Variants in MRTFB observed in about 807,000 individuals in gnomAD.
The protein encoded by MRTFB is myocardin-related transcription factor B.
MRTFB carries 29 observed loss-of-function variants against 104.2 expected under a neutral mutation model. The ratio of observed to expected loss-of-function variants is 0.28; its 90% confidence interval spans 0.21 to 0.38. The LOEUF is 0.38. Among genes scored for constraint, MRTFB ranks in the 10% least tolerant of loss-of-function variants. The pLI is 1.00. For synonymous variants in MRTFB, 535 were observed against 519.5 expected (o/e 1.03, Z -0.41); for missense variants, 1,270 against 1,341.6 (o/e 0.95, Z 0.83).
At chr16:14,018,759 A>G in the MRTFB span, 2 of 152,340 alleles carry the variant, frequency 1.3e-5, no homozygotes, top group African/African-American at 4.8e-5. Flanking sequence ...CCTTAAGGCC[A>G]ATAAATCATT....
At chr16:14,086,551 TTTTAGAC>T (rs2034714247) in intron 2 of MRTFB, among the ~76,000 whole-genome samples, 1 of 152,206 alleles carries the variant, frequency 6.6e-6, no homozygotes, top group African/African-American at 2.4e-5. Flanking sequence ...AATGAAGTTT[TTTTAGAC>T]TTTAAAACTC....
chr16:14,006,512 C>CAA, the MRTFB span, among the ~76,000 whole-genome samples: 48 of 132,520 alleles, frequency 3.6e-4, no homozygotes, highest in South Asian at 6.3e-3. Context: ...GACTCTGTCT[C>CAA]AAAAAAAAAA....
chr16:14,052,725 G>T, the MRTFB span, among the ~76,000 whole-genome samples: 5 of 133,054 alleles, frequency 3.8e-5, no homozygotes, highest in Non-Finnish European at 7.9e-5. Context: ...GGCAACAAGA[G>T]CAAAACTCCA....
the MRTFB span, among the ~76,000 whole-genome samples, chr16:14,002,449 T>G: frequency 6.6e-6 from 1 of 150,714 alleles, no homozygotes; most frequent in East Asian, 1.9e-4. Flanking sequence ...TAGCACCAAC[T>G]TGAGACTCGA....
At chr16:14,201,215 G>A (rs1468968772) in intron 3 of MRTFB, among the ~76,000 whole-genome samples, 1 of 152,164 alleles carries the variant, frequency 6.6e-6, no homozygotes, top group Non-Finnish European at 1.5e-5. Context: ...TGTGGTGTAG[G>A]TATGCACATT....
At chr16:14,213,181 T>C (rs1882285212) in intron 5 of MRTFB, among the ~76,000 whole-genome samples, 1 of 152,210 alleles carries the variant, frequency 6.6e-6, no homozygotes, top group Admixed American at 6.5e-5. Context: ...AGGAAATTTG[T>C]TATCTAGGTG....
chr16:14,062,697 C>T, the MRTFB span, among the ~76,000 whole-genome samples: 2 of 152,144 alleles, frequency 1.3e-5, no homozygotes. Flanking sequence ...AGGTATCCCA[C>T]AGAATCACTG....
intron 16 of MRTFB, among the ~76,000 whole-genome samples, chr16:14,259,127 T>C (rs2043646139): frequency 6.6e-6 from 1 of 152,208 alleles, no homozygotes; most frequent in African/African-American, 2.4e-5. Context: ...AAGAATTATA[T>C]TGGCCTTACA....
intron 2 of MRTFB, among the ~76,000 whole-genome samples, chr16:14,132,938 A>C (rs2037512220): frequency 6.6e-6 from 1 of 152,244 alleles, no homozygotes; most frequent in South Asian, 2.1e-4. Flanking sequence ...CAGTCGTAGT[A>C]ATTTAACTAA....
chr16:14,124,178 G>T (rs1029498215), intron 2 of MRTFB, among the ~76,000 whole-genome samples: 1 of 152,156 alleles, frequency 6.6e-6, no homozygotes, highest in Non-Finnish European at 1.5e-5. Context: ...AGATGATGGG[G>T]TTTTCTAAAT....
At chr16:14,107,514 A>C (rs2036045010) in intron 2 of MRTFB, among the ~76,000 whole-genome samples, 1 of 152,196 alleles carries the variant, frequency 6.6e-6, no homozygotes, top group Non-Finnish European at 1.5e-5. Flanking sequence ...AAGGTTTAAG[A>C]ACACTAGGCA....
At chr16:14,012,295 C>CTTTT in the MRTFB span, among the ~76,000 whole-genome samples, 9,548 of 107,424 alleles carry the variant, frequency 0.089, 1,119 homozygotes, top group African/African-American at 0.22. Flanking sequence ...CTTTTTCTTT[C>CTTTT]TTTCTTTTTT....
the MRTFB span, among the ~76,000 whole-genome samples, chr16:14,003,656 C>CCTT: frequency 7.6e-4 from 56 of 73,646 alleles, no homozygotes; most frequent in African/African-American, 1.9e-3. Flanking sequence ...CTCCCTCCCT[C>CCTT]CCTCCCTCCC....
intron 9 of MRTFB, among the ~76,000 whole-genome samples, chr16:14,235,344 G>C (rs2042449173): frequency 6.6e-6 from 1 of 152,164 alleles, no homozygotes. Flanking sequence ...AGGGTTGCAA[G>C]TGGCAACCAT....
chr16:14,002,011 A>C, the MRTFB span, among the ~76,000 whole-genome samples: 1 of 152,358 alleles, frequency 6.6e-6, no homozygotes, highest in South Asian at 2.1e-4. Flanking sequence ...TACAACCAAA[A>C]GCAATACTAT....
chr16:14,088,216 T>C (rs1415126013), intron 2 of MRTFB, among the ~76,000 whole-genome samples: 2 of 152,302 alleles, frequency 1.3e-5, no homozygotes, highest in Non-Finnish European at 2.9e-5. Context: ...CAGTGCGGAA[T>C]TTTATGGTGG....
chr16:14,207,975 A>G (rs542551795), intron 3 of MRTFB, among the ~76,000 whole-genome samples: 1 of 150,998 alleles, frequency 6.6e-6, no homozygotes, highest in Non-Finnish European at 1.5e-5. Context: ...AACTCCAGGT[A>G]CCTAGTGTCA....
At chr16:14,065,543 C>T in the MRTFB span, among the ~76,000 whole-genome samples, 1 of 152,040 alleles carries the variant, frequency 6.6e-6, no homozygotes, top group South Asian at 2.1e-4. Context: ...TTCTGGTTTT[C>T]AAGGGGAATG....
Position 14,150,861 on chromosome 16 carries a change from T to C in MRTFB, c.154+10101T>C, listed in dbSNP as rs566676118. On this transcript the variant is annotated intron_variant, in intron 3 of 16. Transcript: ENST00000571589. Reference sequence around the variant, plus strand: ...ACTTTTTCTTCTAATGTCATGACTTTTTTCTGCTTCTTGGGAGCACCTCCA... The same window carrying C: ...ACTTTTTCTTCTAATGTCATGACTTCTTTCTGCTTCTTGGGAGCACCTCCA... 2.0e-5 allele frequency: 3 copies of C among 152,314 alleles called. No individual in the cohort carries two copies. The South Asian group carries it at 6.2e-4, about 32-fold the overall frequency. The allele number at this position is 152,314 out of a possible 1,614,324, so 9.4% of individuals were successfully genotyped here. A position where few individuals can be genotyped will look rare whatever the true frequency, so the allele number is the denominator to read the frequency against.
Sources: allele counts gnomAD v4.1 joint callset (sites outside exome capture counted in the v4.1 genomes callset), GRCh38; gene constraint gnomAD v4.1.1; transcripts MANE v1.5; gene names NCBI Gene and HGNC (gene_info 2026-07-23, HGNC 2026-07-21).